The following DOCK9 variants were observed in gnomAD, a reference collection of about 807,000 sequenced individuals.
DOCK9 encodes dedicator of cytokinesis 9.
In DOCK9, 89 loss-of-function variants were observed where a neutral mutation model predicts 263.3. The ratio of observed to expected loss-of-function variants is 0.34; its 90% confidence interval spans 0.28 to 0.40. The LOEUF (loss-of-function observed/expected upper bound fraction) is 0.40. Among genes scored for constraint, DOCK9 ranks in the 10% least tolerant of loss-of-function variants. The pLI is 1.00. For missense variants in DOCK9, 2,140 were observed against 2,603.4 expected, an observed-to-expected ratio of 0.82 and a Z score of 3.87; for synonymous variants, 976 against 973.1, an observed-to-expected ratio of 1.00 and a Z score of -0.06.
At chr13:98,899,144 G>A (rs1197961925) in intron 13 of DOCK9, among the ~76,000 whole-genome samples, 1 of 150,648 alleles carries the variant, frequency 6.6e-6, no homozygotes, top group African/African-American at 2.4e-5. Flanking sequence ...ACCAAAGTGT[G>A]CTATAGCATC....
intron 1 of DOCK9, among the ~76,000 whole-genome samples, chr13:99,070,439 T>A (rs1332963972): frequency 6.6e-6 from 1 of 152,248 alleles, no homozygotes; most frequent in Non-Finnish European, 1.5e-5. Context: ...ACCACACGCA[T>A]TTCTGCTTAC....
At chr13:99,068,779 C>G (rs1312824795) in intron 1 of DOCK9, among the ~76,000 whole-genome samples, 2 of 151,642 alleles carry the variant, frequency 1.3e-5, no homozygotes, top group East Asian at 1.9e-4. Context: ...GCAAAATGAA[C>G]ACAGTAAAAG....
intron 39 of DOCK9, among the ~76,000 whole-genome samples, chr13:98,833,700 A>C (rs1250372821): frequency 6.6e-6 from 1 of 152,234 alleles, no homozygotes; most frequent in African/African-American, 2.4e-5. Context: ...AAAGACGTAA[A>C]TAACCTCCAC....
chr13:98,937,713 C>CTTT (rs34325473), intron 2 of DOCK9, among the ~76,000 whole-genome samples: 6 of 146,296 alleles, frequency 4.1e-5, no homozygotes, highest in South Asian at 2.1e-4. Flanking sequence ...TTTTGTTTTG[C>CTTT]TTTTTTTTTT....
At chr13:98,864,729 T>C (rs2093970520) in intron 30 of DOCK9, among the ~76,000 whole-genome samples, 2 of 152,212 alleles carry the variant, frequency 1.3e-5, no homozygotes, top group African/African-American at 4.8e-5. Context: ...GTGTCCCCTC[T>C]GAATCTCATG....
chr13:98,891,603 C>T (rs1271902456), intron 15 of DOCK9, among the ~76,000 whole-genome samples: 1 of 152,134 alleles, frequency 6.6e-6, no homozygotes, highest in Non-Finnish European at 1.5e-5. Flanking sequence ...TTCTAAGCAA[C>T]ATATTTTAAT....
chr13:98,915,480 A>G lies in DOCK9; in HGVS notation c.741T>C (p.Ala247=). The stretch of plus-strand genomic sequence containing the variant: ...TTTTGTCCTGCATCTTGAGCTCAAA[A>G]GCAAAACGCCTGACTTTGTTGTTCT... ...VVQNNKVRRF[A]FELKMQDKSS... is the part of the protein sequence containing the mutation. Residue 247 remains alanine, a synonymous_variant, in exon 8 of 53, where the codon GCT becomes GCC. Transcript: ENST00000682017. 6.2e-7 allele frequency: 1 copy of G among 1,613,344 alleles called. No individual in the cohort carries two copies. The highest frequency in any genetic ancestry group is 8.5e-7 in the Non-Finnish European group (1 of 1,179,682).
chr13:98,902,428 C>A lies in DOCK9; in HGVS notation c.1240G>T (p.Asp414Tyr). ...DIKYNRKISA[D>Y]FHVDLNHFSV... is the part of the protein sequence containing the mutation. Reference sequence around the variant, plus strand: ...AAATGGTTCAGGTCTACGTGGAAATCGGCAGAAATCTTCCGGTTGTATTTT... The same window carrying A: ...AAATGGTTCAGGTCTACGTGGAAATAGGCAGAAATCTTCCGGTTGTATTTT... The change falls in exon 12 of 53, where the codon GAT becomes TAT. Residue 414 changes from aspartate to tyrosine, a missense_variant. By Grantham distance (160) the Asp-to-Tyr change is radical. Around this residue, in one of 2 missense-constraint regions of DOCK9, gnomAD observed 1,521 missense variants for 1,741.7 expected, o/e 0.87. Coordinates refer to ENST00000682017, the MANE Select transcript of DOCK9 (RefSeq NM_001366683.2). The A allele has an allele frequency of 6.2e-7, 1 of 1,613,958 alleles. No individual in the cohort carries two copies. Among genetic ancestry groups the A allele is most frequent in the Non-Finnish European group, 8.5e-7 (1 of 1,179,886 alleles).
chr13:98,985,939 A>G (rs1388147121), intron 1 of DOCK9, among the ~76,000 whole-genome samples: 2 of 152,262 alleles, frequency 1.3e-5, no homozygotes, highest in Non-Finnish European at 2.9e-5. Flanking sequence ...GATTTATCAC[A>G]GGAGTTCACA....
upstream of DOCK9, among the ~76,000 whole-genome samples, chr13:98,979,180 ATAGTAGTAGTAG>A (rs56125832): frequency 3.7e-4 from 49 of 132,814 alleles, no homozygotes; most frequent in East Asian, 8.8e-4. Context: ...AGCAGCAGCA[ATAGTAGTAGTAG>A]TAGTAGTAGT....
intron 9 of DOCK9, among the ~76,000 whole-genome samples, chr13:98,910,117 C>T (rs1278272102): frequency 6.6e-6 from 1 of 152,180 alleles, no homozygotes; most frequent in East Asian, 1.9e-4. Context: ...GGGTTTTCTT[C>T]ACACTATCTT....
chr13:98,807,605 T>C, intron 48 of DOCK9, 56 bp downstream of exon 48: 3 of 1,407,800 alleles, frequency 2.1e-6, no homozygotes, highest in Non-Finnish European at 2.9e-6. Flanking sequence ...AAATATATAA[T>C]ATGTAATCAA....
intron 30 of DOCK9, among the ~76,000 whole-genome samples, chr13:98,863,912 GTTA>G (rs1332850962): frequency 6.6e-6 from 1 of 152,120 alleles, no homozygotes; most frequent in Admixed American, 6.5e-5. Flanking sequence ...AGTTAAAAAC[GTTA>G]TTATACTAGC....
In DOCK9 at chr13:98,863,429, T is replaced by C. The variant is rs376712474; in HGVS notation, c.3406A>G (p.Ile1136Val). Residue 1136 changes from isoleucine to valine, a missense_variant, in exon 31 of 53, where the codon ATC becomes GTC. By Grantham distance (29) the Ile-to-Val change is conservative. Around this residue, in one of 2 missense-constraint regions of DOCK9, gnomAD observed 1,521 missense variants for 1,741.7 expected, o/e 0.87. Transcript: ENST00000682017. The part of the protein sequence containing the change: ...QEFREVRLIA[I>V]SVLKNLLIKH... ...ATCAGCAGGTTCTTGAGCACACTGA[T>C]GGCGATCAGACGGACCTCCCGGAAC... 35 of 1,613,882 alleles carry C rather than the reference T, an allele frequency of 2.2e-5. No homozygotes were observed. The highest frequency in any genetic ancestry group is 2.9e-5 in the Non-Finnish European group (34 of 1,179,916).
chr13:98,929,459 C>G (rs1304498586), intron 3 of DOCK9, among the ~76,000 whole-genome samples: 2 of 152,130 alleles, frequency 1.3e-5, no homozygotes, highest in African/African-American at 4.8e-5. Flanking sequence ...AGGAGAACCA[C>G]TTGAACCCAG....
rs1417790265 is a variant in DOCK9 at position 98,977,860 on chromosome 13, A to G, written c.50T>C (p.Leu17Pro). 1 of 1,605,314 alleles carries G rather than the reference A, an allele frequency of 6.2e-7. No individual in the cohort carries two copies. The highest frequency in any genetic ancestry group is 1.3e-5 in the African/African-American group (1 of 74,806). Residue 17 changes from leucine (L) to proline (P), a missense_variant, in exon 1 of 53, where the codon CTG becomes CCG. Physicochemically the swap from Leu to Pro is moderately conservative, Grantham distance 98. This residue lies in a region of DOCK9 where 1,521 missense variants were observed against 1,741.7 expected (regional missense o/e 0.87). Transcript: ENST00000682017. The stretch of plus-strand genomic sequence containing the variant: ...GTATTGCAGGGGGGACTCAATCACC[A>G]GTTCCTTTTTGACACTTCTACTACT... ...RTSSRSVKKE[L>P]VIESPLQYKD...
intron 27 of DOCK9, among the ~76,000 whole-genome samples, chr13:98,876,048 T>G (rs1313710197): frequency 6.6e-6 from 1 of 152,146 alleles, no homozygotes; most frequent in East Asian, 1.9e-4. Context: ...AATTGTACAC[T>G]GAAAGCATCA....
intron 47 of DOCK9, 27 bp downstream of exon 47, chr13:98,809,325 A>T: frequency 6.4e-7 from 1 of 1,566,874 alleles, no homozygotes; most frequent in Non-Finnish European, 8.8e-7. Flanking sequence ...GACTTAGGAC[A>T]GTCTGCAGAA....
intron 20 of DOCK9, 150 bp from the exon 21 acceptor site, chr13:98,885,242 C>G (rs545245289): frequency 3.6e-6 from 4 of 1,097,236 alleles, no homozygotes; most frequent in Non-Finnish European, 5.1e-6. Context: ...GTAATCTCTG[C>G]AGAACATTGT....
Sources: gnomAD v4.1 joint callset for allele counts (sites outside exome capture counted in the v4.1 genomes callset) on GRCh38, gnomAD v4.1.1 for gene constraint, gnomAD v4.1.1 regional missense constraint, MANE v1.5 for transcripts, NCBI Gene and HGNC (gene_info 2026-07-23, HGNC 2026-07-21) for gene names.